The following NAALADL2 variants were observed in gnomAD, a reference collection of about 807,000 sequenced individuals.
NAALADL2 encodes the protein N-acetylated alpha-linked acidic dipeptidase like 2.
A neutral mutation model predicts 87.2 loss-of-function variants in NAALADL2; 76 were observed. The ratio of observed to expected loss-of-function variants is 0.87; its 90% CI spans 0.72 to 1.05. The LOEUF (loss-of-function observed/expected upper bound fraction) is 1.05. Ranked by LOEUF, NAALADL2 falls within the 50% of genes least tolerant of loss-of-function variation. The pLI is 0.00. For synonymous variants in NAALADL2, 354 were observed against 331.0 expected, an observed-to-expected ratio of 1.07 and a Z score of -0.75; for missense variants, 1,089 against 945.8, an observed-to-expected ratio of 1.15 and a Z score of -1.99.
intron 11 of NAALADL2, among the ~76,000 whole-genome samples, chr3:175,731,474 A>G (rs1472747593): frequency 6.6e-6 from 1 of 152,156 alleles, no homozygotes; most frequent in Non-Finnish European, 1.5e-5. Flanking sequence ...TGTCAGGATA[A>G]TGAAATGAGA....
rs186911101 is a variant in NAALADL2 at position 175,702,407 on chromosome 3, A to C, written c.1897-34899A>C. Reference sequence around the variant, plus strand: ...ATAATTTTATTTTCCTTACCAAGTCATTTAATCAAAACATCTTAAAAGAGA... The same window carrying C: ...ATAATTTTATTTTCCTTACCAAGTCCTTTAATCAAAACATCTTAAAAGAGA... On this transcript the variant is annotated intron_variant, in intron 11 of 13. Transcript: ENST00000454872. 1.9e-3 allele frequency among the ~76,000 whole-genome samples: 291 copies of C among 152,280 alleles called. 4 individuals are homozygous for C. The highest frequency in any genetic ancestry group is 6.8e-3 in the African/African-American group (284 of 41,570).
At chr3:175,787,433 G>A (rs898954368) in intron 13 of NAALADL2, among the ~76,000 whole-genome samples, 16 of 152,132 alleles carry the variant, frequency 1.1e-4, no homozygotes, top group Non-Finnish European at 1.6e-4. Context: ...TTTTTAAGCC[G>A]GTCCGAAAAG....
At chr3:175,679,298 A>G (rs1405246819) in intron 11 of NAALADL2, among the ~76,000 whole-genome samples, 1 of 151,286 alleles carries the variant, frequency 6.6e-6, no homozygotes, top group Non-Finnish European at 1.5e-5. Flanking sequence ...AAAAAAAAGA[A>G]TGTTATGCTA....
intron 13 of NAALADL2, among the ~76,000 whole-genome samples, chr3:175,756,432 A>T (rs1176444816): frequency 1.3e-5 from 2 of 152,164 alleles, no homozygotes; most frequent in Non-Finnish European, 2.9e-5. Context: ...CTGAGTGTCT[A>T]TCAACGTGTG....
intron 4 of NAALADL2, among the ~76,000 whole-genome samples, chr3:175,312,793 A>C (rs192129936): frequency 6.6e-6 from 1 of 152,200 alleles, no homozygotes; most frequent in East Asian, 1.9e-4. Flanking sequence ...AAATCAACAA[A>C]TAAGAGATAG....
chr3:174,954,761 C>T (rs888236041), intron 1 of NAALADL2, among the ~76,000 whole-genome samples: 3 of 151,970 alleles, frequency 2.0e-5, no homozygotes, highest in South Asian at 2.1e-4. Context: ...TGGGAACATT[C>T]GATGACCTGA....
At chr3:175,165,184 T>G (rs1451502885) in intron 2 of NAALADL2, among the ~76,000 whole-genome samples, 1 of 152,188 alleles carries the variant, frequency 6.6e-6, no homozygotes, top group Non-Finnish European at 1.5e-5. Flanking sequence ...TCTCTCCCCA[T>G]GCTTCCATAG....
In NAALADL2 at chr3:175,001,552, T is replaced by C. The variant is rs113999536; in HGVS notation, c.44-95238T>C. Among the ~76,000 whole-genome samples, 1,264 of 152,304 alleles carry C rather than the reference T, an allele frequency of 8.3e-3. 16 individuals carry two copies. The highest frequency in any genetic ancestry group is 0.017 in the South Asian group (81 of 4,828). On this transcript the variant is annotated intron_variant, in intron 1 of 13. Coordinates refer to ENST00000454872, the MANE Select transcript of NAALADL2 (RefSeq NM_207015.3). ...TAACTCCTTTTGCCAATCTGAGTTATTTCATTCTTTTGGGAGTCCAGATAA... is the reference window on the plus strand; with the variant it reads ...TAACTCCTTTTGCCAATCTGAGTTACTTCATTCTTTTGGGAGTCCAGATAA...
At chr3:175,619,526 G>T (rs1256858567) in intron 10 of NAALADL2, among the ~76,000 whole-genome samples, 8 of 149,746 alleles carry the variant, frequency 5.3e-5, no homozygotes, top group Admixed American at 2.7e-4. Flanking sequence ...GGGGGAAATA[G>T]CCTCTTGCTC....
intron 1 of NAALADL2, among the ~76,000 whole-genome samples, chr3:175,085,753 A>G (rs1403198412): frequency 6.6e-6 from 1 of 152,166 alleles, no homozygotes; most frequent in Admixed American, 6.5e-5. Flanking sequence ...CCCTGTCTCT[A>G]CTAAAAATAC....
chr3:174,943,961 G>A (rs1483611709), intron 1 of NAALADL2, among the ~76,000 whole-genome samples: 3 of 152,098 alleles, frequency 2.0e-5, no homozygotes, highest in Non-Finnish European at 4.4e-5. Context: ...TCTGGCAGGG[G>A]GTAACTGGAG....
chr3:175,483,422 TA>T (rs1367948731), intron 9 of NAALADL2, among the ~76,000 whole-genome samples: 2 of 151,838 alleles, frequency 1.3e-5, no homozygotes, highest in Non-Finnish European at 2.9e-5. Context: ...CTTATTTTTC[TA>T]TTTATTTTTC....
At chr3:175,249,715 A>G (rs1017206036) in intron 3 of NAALADL2, among the ~76,000 whole-genome samples, 4 of 152,170 alleles carry the variant, frequency 2.6e-5, no homozygotes, top group African/African-American at 7.2e-5. Flanking sequence ...TAACTAAGTA[A>G]TATACATTCT....
At chr3:175,359,071 T>G (rs567512283) in intron 5 of NAALADL2, among the ~76,000 whole-genome samples, 77 of 152,176 alleles carry the variant, frequency 5.1e-4, no homozygotes, top group African/African-American at 1.8e-3. Context: ...ATATTAAAAA[T>G]GTAGATTTAA....
At chr3:175,355,484 C>T (rs1381147495) in intron 5 of NAALADL2, among the ~76,000 whole-genome samples, 1 of 152,174 alleles carries the variant, frequency 6.6e-6, no homozygotes, top group African/African-American at 2.4e-5. Flanking sequence ...AATATAATTA[C>T]ATTAAACTAC....
intron 4 of NAALADL2, among the ~76,000 whole-genome samples, chr3:175,258,324 CAAA>C (rs1287997792): frequency 6.8e-4 from 68 of 100,698 alleles, no homozygotes; most frequent in African/African-American, 2.3e-3. Context: ...CCCCCACCAC[CAAA>C]AAAAAAAAAA....
intron 1 of NAALADL2, among the ~76,000 whole-genome samples, chr3:175,025,529 G>A (rs1409507670): frequency 3.3e-5 from 5 of 152,082 alleles, no homozygotes; most frequent in Non-Finnish European, 7.4e-5. Flanking sequence ...AGTATTGAAA[G>A]TGCAAAATTT....
At chr3:175,718,294 G>A (rs549934383) in intron 11 of NAALADL2, 76 of 1,521,388 alleles carry the variant, frequency 5.0e-5, no homozygotes, top group Middle Eastern at 5.0e-4. Context: ...ATCGTTAGGC[G>A]CCGAAGCTCT....
chr3:175,716,855 T>C (rs1206016844), intron 11 of NAALADL2, among the ~76,000 whole-genome samples: 1 of 152,142 alleles, frequency 6.6e-6, no homozygotes, highest in Non-Finnish European at 1.5e-5. Flanking sequence ...GAGACTGACT[T>C]AATATAGACT....
Sources: gnomAD v4.1 joint callset for allele counts (sites outside exome capture counted in the v4.1 genomes callset) on GRCh38, gnomAD v4.1.1 for gene constraint, MANE v1.5 for transcripts, NCBI Gene and HGNC (gene_info 2026-07-23, HGNC 2026-07-21) for gene names.